CCDC88A: variants seen among roughly 807,000 people sequenced by gnomAD.
The protein encoded by CCDC88A is girdin.
A neutral mutation model predicts 234.3 loss-of-function variants in CCDC88A; 54 were observed. The ratio of observed to expected loss-of-function variants is 0.23; its 90% CI spans 0.19 to 0.29. The LOEUF (loss-of-function observed/expected upper bound fraction) is 0.29, where lower values mean the gene tolerates loss of function less well. CCDC88A is among the 10% of genes least tolerant of loss of function. The pLI, the probability that CCDC88A is intolerant of heterozygous loss-of-function variation, is 1.00. For missense variants in CCDC88A, 1,832 were observed against 2,123.4 expected, an observed-to-expected ratio of 0.86 and a Z score of 2.70; for synonymous variants, 753 against 737.8, an observed-to-expected ratio of 1.02 and a Z score of -0.33.
At position 55,295,965 on chromosome 2, in the gene CCDC88A, C is replaced by G. The variant is rs1679982833; in HGVS notation, c.5183G>C (p.Ser1728Thr). Residue 1728 changes from serine (S) to threonine (T), a missense_variant, in exon 31 of 33, where the codon AGC becomes ACC. Physicochemically the swap from Ser to Thr is moderately conservative, Grantham distance 58. Around this residue, in one of 6 missense-constraint regions of CCDC88A, gnomAD observed 422 missense variants for 416.5 expected, o/e 1.01. Transcript: ENST00000436346. The part of the protein sequence containing the change: ...SDFLGKDKPV[S>T]CGLARSVSGK... ...ACTTACTGACCTGGCCAGACCACAG[C>G]TAACTGGTTTGTCTTTTCCCAAAAA... 1 of 1,613,822 alleles carries G rather than the reference C, an allele frequency of 6.2e-7. No homozygotes were observed. Among genetic ancestry groups the G allele is most frequent in the African/African-American group, 1.3e-5 (1 of 74,866 alleles).
At chr2:55,352,748 T>C (rs1245494591) in intron 8 of CCDC88A, among the ~76,000 whole-genome samples, 2 of 152,192 alleles carry the variant, frequency 1.3e-5, no homozygotes, top group South Asian at 2.1e-4. Flanking sequence ...TCACAAATTA[T>C]ACTTTTACTC....
intron 8 of CCDC88A, among the ~76,000 whole-genome samples, chr2:55,352,874 A>G (rs949033571): frequency 3.9e-5 from 6 of 152,162 alleles, no homozygotes; most frequent in Admixed American, 3.9e-4. Context: ...CATTTGGTAT[A>G]AGGCAACCTG....
rs144470385 is a variant in CCDC88A, at chr2:55,294,607, G to A, written c.5551+990C>T. On this transcript the variant is annotated intron_variant, in intron 31 of 32. Coordinates refer to ENST00000436346, the MANE Select transcript of CCDC88A (RefSeq NM_001365480.1). Reference sequence around the variant, plus strand: ...ATATGTAATATAAAGTACACATTCTGGAAGAAAAAAAGGAGTGACAGTCAG... The same window carrying A: ...ATATGTAATATAAAGTACACATTCTAGAAGAAAAAAAGGAGTGACAGTCAG... 1,534 of 987,426 alleles carry A rather than the reference G, an allele frequency of 1.6e-3. 17 individuals carry two copies. The African/African-American group carries it at 0.025, about 16-fold the overall frequency. 61.2% of individuals were successfully genotyped at this position (987,426 alleles called of 1,614,324 possible). A position where few individuals can be genotyped will look rare whatever the true frequency, so the allele number is the denominator to read the frequency against.
At chr2:55,314,494 C>T (rs1682736369) in intron 22 of CCDC88A, 1 of 152,176 alleles carries the variant, frequency 6.6e-6, no homozygotes, top group South Asian at 2.1e-4. Context: ...AACCTCTGTC[C>T]CCCAAGTTCA....
chr2:55,366,980 AG>A (rs2104801002), intron 5 of CCDC88A, among the ~76,000 whole-genome samples: 1 of 152,330 alleles, frequency 6.6e-6, no homozygotes, highest in Admixed American at 6.5e-5. Flanking sequence ...ATTGTTTACA[AG>A]GGCCAAAAAA....
intron 2 of CCDC88A, among the ~76,000 whole-genome samples, chr2:55,415,294 G>A (rs1271341222): frequency 2.0e-5 from 3 of 152,058 alleles, no homozygotes; most frequent in African/African-American, 7.2e-5. Flanking sequence ...GAGCAACATA[G>A]CCAGACCCCA....
chr2:55,318,799 A>C, intron 19 of CCDC88A, 44 bp downstream of exon 19: 1 of 1,448,848 alleles, frequency 6.9e-7, no homozygotes, highest in Non-Finnish European at 9.4e-7. Context: ...TAATAGCATA[A>C]TTCAAGAGTT....
intron 7 of CCDC88A, among the ~76,000 whole-genome samples, chr2:55,360,441 C>G (rs1382906922): frequency 1.3e-5 from 2 of 152,004 alleles, no homozygotes; most frequent in African/African-American, 4.8e-5. Context: ...TACTGGTAGC[C>G]CAAATTGAGG....
At chr2:55,347,800 C>G (rs1307742986) in intron 9 of CCDC88A, among the ~76,000 whole-genome samples, 1 of 151,688 alleles carries the variant, frequency 6.6e-6, no homozygotes, top group African/African-American at 2.4e-5. Flanking sequence ...TCAGTAGAGA[C>G]AGAGTTTCGC....
At chr2:55,371,001 C>A (rs1411644316) in intron 5 of CCDC88A, among the ~76,000 whole-genome samples, 1 of 152,016 alleles carries the variant, frequency 6.6e-6, no homozygotes, top group Admixed American at 6.6e-5. Flanking sequence ...CAGAGTGAGA[C>A]CCTGTCTCAA....
intron 23 of CCDC88A, among the ~76,000 whole-genome samples, chr2:55,310,086 TTGG>T (rs1383856014): frequency 6.6e-6 from 1 of 152,116 alleles, no homozygotes. Flanking sequence ...AAATTACATG[TTGG>T]TGTAGTTGTA....
At chr2:55,406,740 C>T (rs767989082) in intron 2 of CCDC88A, among the ~76,000 whole-genome samples, 2 of 140,272 alleles carry the variant, frequency 1.4e-5, no homozygotes, top group Non-Finnish European at 3.1e-5. Flanking sequence ...ACTTGGGTGA[C>T]ACAGGGAGAC....
At chr2:55,342,090 AAC>A (rs1292268911) in intron 12 of CCDC88A, among the ~76,000 whole-genome samples, 5 of 152,166 alleles carry the variant, frequency 3.3e-5, no homozygotes. Flanking sequence ...ATGATTATTA[AAC>A]ACACTGGCAG....
chr2:55,337,374 A>T (rs1667926146), intron 13 of CCDC88A: 1 of 152,178 alleles, frequency 6.6e-6, no homozygotes, highest in Admixed American at 6.5e-5. Context: ...TAGAGATGAA[A>T]AATACTGGTA....
At chr2:55,417,147 A>G (rs945264457) in intron 2 of CCDC88A, 5 of 152,094 alleles carry the variant, frequency 3.3e-5, no homozygotes, top group Non-Finnish European at 5.9e-5. Context: ...GTGGAAATTA[A>G]CGTATTTGTT....
intron 2 of CCDC88A, chr2:55,394,490 C>A (rs1211746471): frequency 2.0e-5 from 3 of 151,898 alleles, no homozygotes. Flanking sequence ...AGTTCTAGAT[C>A]TCTGAGGAAT....
At chr2:55,337,397 A>G (rs1200752820) in intron 13 of CCDC88A, 2 of 152,206 alleles carry the variant, frequency 1.3e-5, no homozygotes, top group Non-Finnish European at 2.9e-5. Flanking sequence ...TAATATGTAC[A>G]AAATAGCAAA....
chr2:55,381,235 G>A (rs1208122547), intron 3 of CCDC88A, among the ~76,000 whole-genome samples: 1 of 152,076 alleles, frequency 6.6e-6, no homozygotes, highest in African/African-American at 2.4e-5. Flanking sequence ...TTCGTACAAT[G>A]ACAAAATTGC....
At chr2:55,306,291 T>G (rs902325883) in intron 25 of CCDC88A, 1 of 152,162 alleles carries the variant, frequency 6.6e-6, no homozygotes, top group Non-Finnish European at 1.5e-5. Flanking sequence ...TGCCATCTTT[T>G]AAAGAAAACT....
Sources: allele counts gnomAD v4.1 joint callset (sites outside exome capture counted in the v4.1 genomes callset), GRCh38; gene constraint gnomAD v4.1.1; regional missense constraint gnomAD v4.1.1; transcripts MANE v1.5; gene names NCBI Gene and HGNC (gene_info 2026-07-23, HGNC 2026-07-21).